Variants in RSPO2 observed in about 807,000 individuals in gnomAD.
RSPO2 encodes R-spondin 2, also known as R-spondin-2.
RSPO2 carries 14 observed loss-of-function variants against 30.9 expected under a neutral mutation model. The ratio of observed to expected loss-of-function variants is 0.45; its 90% CI spans 0.30 to 0.71. RSPO2 has a LOEUF of 0.71. Ranked by LOEUF, RSPO2 falls within the 30% of genes least tolerant of loss-of-function variation. The probability of loss-of-function intolerance (pLI) is 0.08; values close to 1 mark genes in which losing one functional copy is unlikely to be tolerated. For synonymous variants in RSPO2, 107 were observed against 96.4 expected (o/e 1.11, Z -0.64); for missense variants, 264 against 301.9 (o/e 0.87, Z 0.93).
At chr8:108,005,129 C>A (rs1427491170) in intron 2 of RSPO2, among the ~76,000 whole-genome samples, 1 of 152,122 alleles carries the variant, frequency 6.6e-6, no homozygotes, top group East Asian at 1.9e-4. Flanking sequence ...GATGTTCCCT[C>A]ATGACTGGTC....
At chr8:108,060,102 G>A (rs1156548439) in intron 2 of RSPO2, among the ~76,000 whole-genome samples, 1 of 151,742 alleles carries the variant, frequency 6.6e-6, no homozygotes, top group East Asian at 1.9e-4. Context: ...TCCCAGCATG[G>A]TCGGAGCAGA....
At chr8:108,044,985 C>T (rs1393702814) in intron 2 of RSPO2, among the ~76,000 whole-genome samples, 1 of 152,086 alleles carries the variant, frequency 6.6e-6, no homozygotes. Context: ...CCTCGAAGAA[C>T]CTAGGAAATA....
chr8:107,995,919 C>A (rs995551558), intron 2 of RSPO2, among the ~76,000 whole-genome samples: 1 of 152,028 alleles, frequency 6.6e-6, no homozygotes, highest in Non-Finnish European at 1.5e-5. Flanking sequence ...CTTAATATTG[C>A]CAGATAATTA....
At chr8:107,997,867 G>A (rs139573989) in intron 2 of RSPO2, among the ~76,000 whole-genome samples, 1 of 152,242 alleles carries the variant, frequency 6.6e-6, no homozygotes, top group Non-Finnish European at 1.5e-5. Context: ...GGTGTTGAAT[G>A]CCCATGTGTT....
At chr8:108,066,644 A>C (rs1396810096) in intron 2 of RSPO2, among the ~76,000 whole-genome samples, 1 of 152,200 alleles carries the variant, frequency 6.6e-6, no homozygotes, top group Non-Finnish European at 1.5e-5. Context: ...ATGGAAGAAA[A>C]TAAGCTTATC....
At chr8:108,044,226 G>A (rs1479846254) in intron 2 of RSPO2, among the ~76,000 whole-genome samples, 1 of 151,990 alleles carries the variant, frequency 6.6e-6, no homozygotes, top group Non-Finnish European at 1.5e-5. Context: ...TTTCTGGGGA[G>A]AGGTTTTGTG....
chr8:107,902,541 G>C (rs1811511048), intron 5 of RSPO2, among the ~76,000 whole-genome samples: 1 of 152,066 alleles, frequency 6.6e-6, no homozygotes, highest in Non-Finnish European at 1.5e-5. Flanking sequence ...AAACAGACCA[G>C]AGTCTAGGGA....
chr8:107,964,810 T>G (rs1285201958), intron 3 of RSPO2, among the ~76,000 whole-genome samples: 2 of 152,206 alleles, frequency 1.3e-5, no homozygotes, highest in African/African-American at 4.8e-5. Flanking sequence ...GGGATTCATA[T>G]CAACTCTATT....
chr8:107,948,380 T>A (rs1279074472), intron 5 of RSPO2, among the ~76,000 whole-genome samples: 1 of 152,206 alleles, frequency 6.6e-6, no homozygotes, highest in East Asian at 1.9e-4. Context: ...TTGGAAGGCA[T>A]CCTGTAACAT....
In RSPO2 at chr8:108,082,628, C is replaced by G; in HGVS notation, c.11G>C (p.Arg4Pro). 2 of 1,613,916 alleles carry G rather than the reference C, an allele frequency of 1.2e-6. No individual in the cohort carries two copies. Among genetic ancestry groups the G allele is most frequent in the Non-Finnish European group, 1.7e-6 (2 of 1,179,922 alleles). Residue 4 changes from arginine (R) to proline (P), a missense_variant, in exon 2 of 6, where the codon CGC (arginine) becomes CCC (proline). Arg to Pro is a moderately radical substitution (Grantham distance 103). Coordinates refer to ENST00000276659, the MANE Select transcript of RSPO2 (RefSeq NM_178565.5). MQF[R>P]LFSFALIILN... is the part of the protein sequence containing the mutation. Reference sequence around the variant, plus strand: ...AATGATGAGGGCAAAGGAGAAAAGGCGAAACTGCATCTGGGCGGTCGGGCG... The same window carrying G: ...AATGATGAGGGCAAAGGAGAAAAGGGGAAACTGCATCTGGGCGGTCGGGCG...
In RSPO2 at chr8:108,070,585, T is replaced by TAGTGTCCTCTCTTCAGGAAGGCAAGAG. The variant is rs1444945903; in HGVS notation, c.94+11933_94+11959dup. 2.6e-5 allele frequency among the ~76,000 whole-genome samples: 4 copies of TAGTGTCCTCTCTTCAGGAAGGCAAGAG among 152,312 alleles called. No homozygotes were observed. The East Asian group carries it at 7.7e-4, about 29-fold the overall frequency. On this transcript the variant is annotated intron_variant, in intron 2 of 5. Coordinates refer to ENST00000276659, the MANE Select transcript of RSPO2 (RefSeq NM_178565.5). ...CCCCATCTCTTAAAGTAGTTTTGTT[T>TAGTGTCCTCTCTTCAGGAAGGCAAGAG]AGTGTCCTCTCTTCAGGAAGGCAAG...
At chr8:108,004,293 G>A (rs1815376757) in intron 2 of RSPO2, among the ~76,000 whole-genome samples, 1 of 152,120 alleles carries the variant, frequency 6.6e-6, no homozygotes, top group African/African-American at 2.4e-5. Context: ...TTTTTACAGA[G>A]GGATCTCCAC....
intron 2 of RSPO2, among the ~76,000 whole-genome samples, chr8:108,062,555 A>G (rs909730092): frequency 7.9e-5 from 12 of 151,804 alleles, no homozygotes; most frequent in Admixed American, 2.0e-4. Context: ...CCTACCAACC[A>G]AAAAAAGTCC....
chr8:108,069,145 G>A (rs1328499520), intron 2 of RSPO2, among the ~76,000 whole-genome samples: 1 of 152,102 alleles, frequency 6.6e-6, no homozygotes, highest in African/African-American at 2.4e-5. Flanking sequence ...AAAAATCAAT[G>A]AGAAAACCTT....
At chr8:107,989,329 C>T in intron 2 of RSPO2, 85 bp from the exon 3 acceptor site, 1 of 827,780 alleles carries the variant, frequency 1.2e-6, no homozygotes, top group African/African-American at 1.8e-5. Context: ...ACAAATGTTT[C>T]TTTTCTTTCT....
intron 3 of RSPO2, among the ~76,000 whole-genome samples, chr8:107,978,841 A>G (rs1415877000): frequency 6.6e-6 from 1 of 152,232 alleles, no homozygotes; most frequent in African/African-American, 2.4e-5. Context: ...CCAGAAAAAA[A>G]CAAACAACCC....
chr8:107,976,370 T>C (rs531851140), intron 3 of RSPO2, among the ~76,000 whole-genome samples: 3 of 152,346 alleles, frequency 2.0e-5, no homozygotes, highest in African/African-American at 4.8e-5. Context: ...ATACTGTGTG[T>C]CCTTTGGGTA....
At chr8:107,970,758 C>G (rs369624193) in intron 3 of RSPO2, among the ~76,000 whole-genome samples, 8 of 152,238 alleles carry the variant, frequency 5.3e-5, no homozygotes, top group African/African-American at 1.9e-4. Context: ...GACTTTTGAA[C>G]GAAGTTGCTG....
chr8:107,951,983 C>A (rs1402453121), intron 5 of RSPO2, among the ~76,000 whole-genome samples: 1 of 152,064 alleles, frequency 6.6e-6, no homozygotes, highest in African/African-American at 2.4e-5. Context: ...AGAAATCGTT[C>A]CTTGAAAAGA....
Sources: allele counts gnomAD v4.1 joint callset (sites outside exome capture counted in the v4.1 genomes callset), GRCh38; gene constraint gnomAD v4.1.1; transcripts MANE v1.5; gene names NCBI Gene and HGNC (gene_info 2026-07-23, HGNC 2026-07-21).